The following RPS15A variants were observed in gnomAD, a reference collection of about 807,000 sequenced individuals.
RPS15A encodes the protein small ribosomal subunit protein uS8.
For missense variants in RPS15A, 62 were observed against 163.4 expected (o/e 0.38, Z 3.38); for synonymous variants, 55 against 58.5 (o/e 0.94, Z 0.27).
In RPS15A at chr16:18,781,909, C is replaced by T. The variant is rs544558580; in HGVS notation, c.*1100G>A. 1 of 144,490 alleles carries T rather than the reference C, an allele frequency of 6.9e-6. No homozygotes were observed. The highest frequency in any genetic ancestry group is 2.3e-4 in the South Asian group (1 of 4,290). The allele number at this position is 144,490 out of a possible 1,614,324, so 9.0% of individuals were successfully genotyped here. Reference sequence around the variant, plus strand: ...GGCAAAGCAGAGACTAGGGGACAGGCCCCAGCACCGGGTCAGCACCCACTA... The same window carrying T: ...GGCAAAGCAGAGACTAGGGGACAGGTCCCAGCACCGGGTCAGCACCCACTA... On this transcript the variant is annotated 3_prime_UTR_variant, in exon 5 of 5. Coordinates refer to ENST00000322989, the MANE Select transcript of RPS15A (RefSeq NM_001019.5).
At position 18,784,340 on chromosome 16, in the gene RPS15A, CG is replaced by C. The variant is rs1380133449; in HGVS notation, c.299+397del. ...TCTCAGCTCACCGCAACCTCTCTCC[CG>C]GGTTCAAGCTATTTTCCTGCCTCAG... On this transcript the variant is annotated intron_variant, in intron 4 of 4. Transcript: ENST00000322989. 3 of 156,954 alleles carry C rather than the reference CG, an allele frequency of 1.9e-5. No individual in the cohort carries two copies. The East Asian group carries it at 5.7e-4, about 30-fold the overall frequency. The allele number at this position is 156,954 out of a possible 1,614,324, so 9.7% of individuals were successfully genotyped here.
Position 18,784,852 on chromosome 16 carries a change from T to C in RPS15A, c.214-29A>G, listed in dbSNP as rs751531809. 2.8e-5 allele frequency: 43 copies of C among 1,531,342 alleles called. No homozygotes were observed. In the Admixed American group the frequency reaches 4.8e-4, roughly 17 times the overall value. 94.9% of individuals were successfully genotyped at this position (1,531,342 alleles called of 1,614,324 possible). A position where few individuals can be genotyped will look rare whatever the true frequency, so the allele number is the denominator to read the frequency against. ...TAAAATAACAACAACAACAAAAACA[T>C]TCTTCACTTTACCAATAACAGAAAA... On this transcript the variant is annotated intron_variant, in intron 3 of 4. Transcript: ENST00000322989.
At chr16:18,785,865 AG>A (rs1431590318) in intron 3 of RPS15A, 2 of 152,232 alleles carry the variant, frequency 1.3e-5, no homozygotes, top group Non-Finnish European at 2.9e-5. Context: ...TGATTCCAGC[AG>A]CAAAAATTCT....
chr16:18,785,252 A>C (rs1462413700), intron 3 of RPS15A: 1 of 154,358 alleles, frequency 6.5e-6, no homozygotes, highest in Non-Finnish European at 1.4e-5. Flanking sequence ...ATATCTAAGG[A>C]ACACGCTGTC....
chr16:18,789,554 G>A (rs1033961407), intron 1 of RPS15A, among the ~76,000 whole-genome samples: 1 of 152,174 alleles, frequency 6.6e-6, no homozygotes, highest in East Asian at 1.9e-4. Flanking sequence ...CTGAAAATCA[G>A]CAGATTCCAT....
intron 1 of RPS15A, among the ~76,000 whole-genome samples, chr16:18,789,345 T>C (rs1301579915): frequency 6.6e-6 from 1 of 152,214 alleles, no homozygotes; most frequent in East Asian, 1.9e-4. Context: ...TTGAAACTCA[T>C]TCATTCACTA....
intron 3 of RPS15A, among the ~76,000 whole-genome samples, chr16:18,787,527 A>C (rs1156407733): frequency 6.6e-6 from 1 of 152,238 alleles, no homozygotes. Context: ...AAACACACGC[A>C]ATCACTTAAA....
Position 18,788,055 on chromosome 16 carries a change from G to T in RPS15A, c.213+8C>A, listed in dbSNP as rs751778960. ...AAGCTTTGAAATGTGTAGATCACTC[G>T]TTCTTACCTTGTTTAGCCTGCCTGT... On this transcript the variant is annotated splice_region_variant and intron_variant, in intron 3 of 4. Coordinates refer to ENST00000322989, the MANE Select transcript of RPS15A (RefSeq NM_001019.5). The T allele has an allele frequency of 6.6e-7, 1 of 1,513,432 alleles. No homozygotes were observed. The highest frequency in any genetic ancestry group is 9.0e-7 in the Non-Finnish European group (1 of 1,112,998). The allele number at this position is 1,513,432 out of a possible 1,614,324, so 93.8% of individuals were successfully genotyped here. A position where few individuals can be genotyped will look rare whatever the true frequency, so the allele number is the denominator to read the frequency against.
At position 18,782,892 on chromosome 16, in the gene RPS15A, A is replaced by C. The variant is rs1903987471; in HGVS notation, c.*117T>G. The C allele has an allele frequency of 1.6e-6, 1 of 640,066 alleles. No homozygotes were observed. Among genetic ancestry groups the C allele is most frequent in the African/African-American group, 1.8e-5 (1 of 54,530 alleles). 39.6% of individuals were successfully genotyped at this position (640,066 alleles called of 1,614,324 possible). A position where few individuals can be genotyped will look rare whatever the true frequency, so the allele number is the denominator to read the frequency against. On this transcript the variant is annotated 3_prime_UTR_variant, in exon 5 of 5. Coordinates refer to ENST00000322989, the MANE Select transcript of RPS15A (RefSeq NM_001019.5). ...AGGGAATCGCATTCACCGATAAACG[A>C]AGCAACTGCATGCTGCCGCAGAAGC...
In RPS15A at chr16:18,788,989, A is replaced by G. The variant is rs11547744; in HGVS notation, c.125T>C (p.Met42Thr). 6.2e-7 allele frequency: 1 copy of G among 1,612,530 alleles called. No individual in the cohort carries two copies. Among genetic ancestry groups the G allele is most frequent in the Non-Finnish European group, 8.5e-7 (1 of 1,179,576 alleles). The change falls in exon 2 of 5, where the codon ATG becomes ACG. Residue 42 changes from methionine (M) to threonine (T), a missense_variant. Coordinates refer to ENST00000322989, the MANE Select transcript of RPS15A (RefSeq NM_001019.5). ...AGCGGCAGCAGACTTACCATGCTTC[A>G]TCATCACAGTGAGAAACCGGACGAT... ...KVIVRFLTVM[M>T]KHGYIGEFEI...
chr16:18,787,908 ATGAAG>A, intron 3 of RPS15A, 150 bp downstream of exon 3: 7 of 625,028 alleles, frequency 1.1e-5, no homozygotes, highest in Non-Finnish European at 2.0e-5. Flanking sequence ...AGGAGAGCAA[ATGAAG>A]TTCCATGTGT....
intron 3 of RPS15A, 154 bp from the exon 4 acceptor site, chr16:18,784,977 CT>C (rs1383534497): frequency 5.2e-6 from 3 of 574,238 alleles, no homozygotes; most frequent in Admixed American, 3.8e-5. Context: ...GCTTGACATA[CT>C]TTTCAAAAAA....
At chr16:18,788,472 G>T in intron 2 of RPS15A, 1 of 268,652 alleles carries the variant, frequency 3.7e-6, no homozygotes, top group Non-Finnish European at 7.1e-6. Context: ...GCTCTGAGAA[G>T]ATCTCAAGAG....
intron 4 of RPS15A, chr16:18,784,236 A>G (rs1338218480): frequency 2.0e-5 from 3 of 151,806 alleles, no homozygotes; most frequent in Admixed American, 2.0e-4. Context: ...CCTGGGCAAC[A>G]AAGTGAAACC....
chr16:18,787,987 C>T (rs2029923399), intron 3 of RPS15A, 76 bp downstream of exon 3: 1 of 918,644 alleles, frequency 1.1e-6, no homozygotes, highest in Admixed American at 1.7e-5. Context: ...TCAGTATTTC[C>T]AAAGGCAATT....
chr16:18,784,979 T>A (rs1904023946), intron 3 of RPS15A, 156 bp from the exon 4 acceptor site: 2 of 567,416 alleles, frequency 3.5e-6, no homozygotes, highest in Non-Finnish European at 6.1e-6. Context: ...TTGACATACT[T>A]TTCAAAAAAT....
At chr16:18,783,921 T>C in intron 4 of RPS15A, 1 of 345,378 alleles carries the variant, frequency 2.9e-6, no homozygotes, top group South Asian at 2.3e-5. Flanking sequence ...CAAACTAAGT[T>C]TTCCCAAAGG....
chr16:18,788,282 C>G (rs1380245239), intron 2 of RPS15A, 140 bp from the exon 3 acceptor site: 1 of 629,328 alleles, frequency 1.6e-6, no homozygotes, highest in Non-Finnish European at 2.8e-6. Context: ...GACAGTTGCT[C>G]TGTATCAGAA....
At chr16:18,788,232 C>A in intron 2 of RPS15A, 90 bp from the exon 3 acceptor site, 1 of 821,278 alleles carries the variant, frequency 1.2e-6, no homozygotes, top group Non-Finnish European at 2.0e-6. Flanking sequence ...TTCACTCTCC[C>A]ATCACCTCAG....
Sources: gnomAD v4.1 joint callset for allele counts (sites outside exome capture counted in the v4.1 genomes callset) on GRCh38, gnomAD v4.1.1 for gene constraint, MANE v1.5 for transcripts, NCBI Gene and HGNC (gene_info 2026-07-23, HGNC 2026-07-21) for gene names.